The following NUP214 variants were observed in gnomAD, a reference collection of about 807,000 sequenced individuals.
The protein encoded by NUP214 is nuclear pore complex protein Nup214.
In NUP214, 79 loss-of-function variants were observed where a neutral mutation model predicts 196.2. The ratio of observed to expected loss-of-function variants is 0.40; its 90% CI spans 0.34 to 0.49. The LOEUF is 0.49. NUP214 is among the 20% of genes least tolerant of loss of function. The probability of loss-of-function intolerance (pLI) is 0.58; values close to 1 mark genes in which losing one functional copy is unlikely to be tolerated. For missense variants in NUP214, 2,468 were observed against 2,539.0 expected (o/e 0.97, Z 0.60); for synonymous variants, 1,020 against 990.5 (o/e 1.03, Z -0.56).
chr9:131,192,195 T>TC lies in NUP214; in HGVS notation c.3575-11dup, dbSNP rs750444387. ...TTTTTTTTTTTTTTTTTTTTTTTTTTCCATAATTTCAGGGACAGCCAAGAT... is the reference window on the plus strand; with the variant it reads ...TTTTTTTTTTTTTTTTTTTTTTTTTTCCCATAATTTCAGGGACAGCCAAGAT... On this transcript the variant is annotated splice_polypyrimidine_tract_variant and intron_variant, in intron 26 of 35. Coordinates refer to ENST00000359428, the MANE Select transcript of NUP214 (RefSeq NM_005085.4). The TC allele has an allele frequency of 3.1e-4, 376 of 1,225,046 alleles. No homozygotes were observed. The highest frequency in any genetic ancestry group is 1.2e-3 in the African/African-American group (71 of 61,512). The allele number at this position is 1,225,046 out of a possible 1,614,324, so 75.9% of individuals were successfully genotyped here.
In NUP214 at chr9:131,132,604, G is replaced by A. The variant is rs568018541; in HGVS notation, c.672G>A (p.Gln224=). The A allele has an allele frequency of 2.5e-6, 4 of 1,613,496 alleles. No homozygotes were observed. In the African/African-American group the frequency reaches 5.3e-5, roughly 22 times the overall value. ...CTCCAAATCTCTTTCAGACTTTGCA[G>A]GAAAAAAAAGTCATTCCTTGTCCTC... ...GTVVQYLPTL[Q]EKKVIPCPPF... Residue 224 remains glutamine (Q), a synonymous_variant, in exon 6 of 36, where the codon CAG becomes CAA. Transcript: ENST00000359428.
At chr9:131,129,741 T>C (rs1284714366) in intron 4 of NUP214, among the ~76,000 whole-genome samples, 1 of 152,024 alleles carries the variant, frequency 6.6e-6, no homozygotes, top group African/African-American at 2.4e-5. Context: ...ATAGCTGGGA[T>C]TATAGACATG....
At chr9:131,187,241 T>C (rs1833475991) in intron 24 of NUP214, 48 bp from the exon 25 acceptor site, 3 of 1,526,206 alleles carry the variant, frequency 2.0e-6, no homozygotes, top group Non-Finnish European at 2.7e-6. Context: ...AATGTGATTT[T>C]TACCTAGTCA....
intron 27 of NUP214, chr9:131,194,191 G>T (rs1465647980): frequency 1.8e-5 from 2 of 113,120 alleles, no homozygotes; most frequent in African/African-American, 6.7e-5. Context: ...GTGAGATAGA[G>T]CAAGATTCTG....
intron 31 of NUP214, among the ~76,000 whole-genome samples, 190 bp downstream of exon 31, chr9:131,215,558 A>G (rs1305193284): frequency 1.4e-5 from 2 of 141,082 alleles, no homozygotes; most frequent in African/African-American, 5.2e-5. Context: ...GATGTCCTAT[A>G]TAATCATGAA....
chr9:131,142,986 G>C (rs192559928), intron 11 of NUP214, among the ~76,000 whole-genome samples: 1 of 151,966 alleles, frequency 6.6e-6, no homozygotes, highest in Admixed American at 6.6e-5. Flanking sequence ...TTACCTTATG[G>C]AAAGTTTGGA....
chr9:131,174,378 A>C (rs1423749404), intron 22 of NUP214, 60 bp downstream of exon 22: 1 of 1,548,744 alleles, frequency 6.5e-7, no homozygotes. Flanking sequence ...CTAATGACGG[A>C]ATTGTAACTG....
At chr9:131,200,760 G>A (rs1398237798) in intron 29 of NUP214, among the ~76,000 whole-genome samples, 1 of 151,544 alleles carries the variant, frequency 6.6e-6, no homozygotes, top group Admixed American at 6.6e-5. Context: ...CTCACTCCTT[G>A]TCTGGAGCTC....
chr9:131,145,175 C>T (rs1039254267), intron 12 of NUP214, among the ~76,000 whole-genome samples: 9 of 152,074 alleles, frequency 5.9e-5, no homozygotes, highest in African/African-American at 2.2e-4. Flanking sequence ...TCTTGTGACA[C>T]TGTAAATTGT....
At chr9:131,175,730 G>A in intron 23 of NUP214, 109 bp downstream of exon 23, 1 of 1,415,386 alleles carries the variant, frequency 7.1e-7, no homozygotes, top group Non-Finnish European at 9.3e-7. Flanking sequence ...GTGCCCTTCA[G>A]AAGAGAAGAT....
At chr9:131,152,299 G>C (rs963725974) in intron 17 of NUP214, among the ~76,000 whole-genome samples, 1 of 151,918 alleles carries the variant, frequency 6.6e-6, no homozygotes, top group African/African-American at 2.4e-5. Context: ...ATTTTATTTG[G>C]AGAGATAAGG....
rs138575937 is a variant in NUP214 at position 131,180,375 on chromosome 9, G to A, written c.3419+1965G>A. ...CTGCCACCCCTCCCCAGGAAAGATC[G>A]AGAGAATATGTTCATTGTAAAATGA... On this transcript the variant is annotated intron_variant, in intron 24 of 35. Coordinates refer to ENST00000359428, the MANE Select transcript of NUP214 (RefSeq NM_005085.4). 5.7e-3 allele frequency among the ~76,000 whole-genome samples: 863 copies of A among 152,282 alleles called. 5 individuals are homozygous for A. The highest frequency in any genetic ancestry group is 0.015 in the African/African-American group (626 of 41,564).
chr9:131,146,040 A>G lies in NUP214; in HGVS notation c.1770-89A>G, dbSNP rs1832078325. On this transcript the variant is annotated intron_variant, in intron 12 of 35. Coordinates refer to ENST00000359428, the MANE Select transcript of NUP214 (RefSeq NM_005085.4). The surrounding 1 kb of genome is among the most constrained non-coding windows in gnomAD (Gnocchi z 4.6). The stretch of plus-strand genomic sequence containing the variant: ...TCTTTGTAAGTTAACATAAAAGATA[A>G]TAAGTTATCTTTTGATGACATTGCT... 4 of 1,227,680 alleles carry G rather than the reference A, an allele frequency of 3.3e-6. No individual in the cohort carries two copies. Among genetic ancestry groups the G allele is most frequent in the South Asian group, 1.4e-5 (1 of 69,982 alleles). 76.0% of individuals were successfully genotyped at this position (1,227,680 alleles called of 1,614,324 possible). A position where few individuals can be genotyped will look rare whatever the true frequency, so the allele number is the denominator to read the frequency against.
chr9:131,164,444 G>A (rs1376429760), intron 21 of NUP214: 1 of 333,494 alleles, frequency 3.0e-6, no homozygotes. Context: ...ACAAGGGTTT[G>A]AGATAGGCTG....
At chr9:131,214,262 A>T (rs772247952) in intron 30 of NUP214, among the ~76,000 whole-genome samples, 1 of 152,198 alleles carries the variant, frequency 6.6e-6, no homozygotes, top group South Asian at 2.1e-4. Context: ...TTTTTGGTTC[A>T]TTGTGGTTAA....
At chr9:131,141,504 G>GAC (rs1185060917) in intron 11 of NUP214, among the ~76,000 whole-genome samples, 2 of 122,520 alleles carry the variant, frequency 1.6e-5, no homozygotes, top group Admixed American at 8.5e-5. Context: ...TTTTTGTGGA[G>GAC]ACAGGGTCTT....
At chr9:131,179,969 A>T (rs901119036) in intron 24 of NUP214, among the ~76,000 whole-genome samples, 2 of 152,226 alleles carry the variant, frequency 1.3e-5, no homozygotes, top group African/African-American at 4.8e-5. Context: ...AACTCAGCAT[A>T]TGGTACAGGA....
In NUP214 at chr9:131,135,869, C is replaced by T. The variant is rs139676244; in HGVS notation, c.939-71C>T. 1.1e-4 allele frequency: 140 copies of T among 1,250,480 alleles called. No individual in the cohort carries two copies. In the African/African-American group the frequency reaches 1.8e-3, roughly 16 times the overall value. The allele number at this position is 1,250,480 out of a possible 1,614,324, so 77.5% of individuals were successfully genotyped here. ...GTGGAGGCAGCCCTCACAGGTGTTACCTGCAGACCCAGGTTAGCTTAGAAC... is the reference window on the plus strand; with the variant it reads ...GTGGAGGCAGCCCTCACAGGTGTTATCTGCAGACCCAGGTTAGCTTAGAAC... On this transcript the variant is annotated intron_variant, in intron 8 of 35. Coordinates refer to ENST00000359428, the MANE Select transcript of NUP214 (RefSeq NM_005085.4).
chr9:131,220,949 A>G (rs1275544261), intron 31 of NUP214, among the ~76,000 whole-genome samples: 1 of 152,228 alleles, frequency 6.6e-6, no homozygotes, highest in South Asian at 2.1e-4. Flanking sequence ...TGGTTGCACC[A>G]AGTTTCTCCA....
Sources: gnomAD v4.1 joint callset for allele counts (sites outside exome capture counted in the v4.1 genomes callset) on GRCh38, gnomAD v4.1.1 for gene constraint, Gnocchi (gnomAD v3.1) non-coding constraint, MANE v1.5 for transcripts, NCBI Gene and HGNC (gene_info 2026-07-23, HGNC 2026-07-21) for gene names.